Variants in FILIP1 observed in about 807,000 individuals in gnomAD.
FILIP1 encodes filamin-A-interacting protein 1.
In FILIP1, 61 loss-of-function variants were observed where a neutral mutation model predicts 102.1. That is an observed-to-expected ratio of 0.60 (90% CI 0.49 to 0.74). FILIP1 has a LOEUF of 0.74. Ranked by LOEUF, FILIP1 falls within the 30% of genes least tolerant of loss-of-function variation. The probability of loss-of-function intolerance (pLI) is 0.00; values close to 1 mark genes in which losing one functional copy is unlikely to be tolerated. For synonymous variants in FILIP1, 491 were observed against 526.9 expected (o/e 0.93, Z 0.93); for missense variants, 1,314 against 1,441.2 (o/e 0.91, Z 1.43).
At chr6:75,377,347 T>C (rs1264083988) in intron 2 of FILIP1, among the ~76,000 whole-genome samples, 4 of 152,342 alleles carry the variant, frequency 2.6e-5, no homozygotes, top group East Asian at 1.9e-4. Context: ...AAATAGTCAA[T>C]TGCATTTGCT....
intron 1 of FILIP1, among the ~76,000 whole-genome samples, chr6:75,444,783 T>C (rs894765086): frequency 2.6e-5 from 4 of 152,216 alleles, no homozygotes; most frequent in Non-Finnish European, 5.9e-5. Context: ...TTACACATAC[T>C]GCTCCTGTGT....
In FILIP1 at chr6:75,312,973, G is replaced by T. The variant is rs772294193; in HGVS notation, c.2859C>A (p.Thr953=). The part of the protein sequence containing the change: ...PTLGNQKPRI[T]IIPSPNVMPQ... ...GCATAACGTTTGGTGATGGAATAAT[G>T]GTTATTCTTGGTTTCTGATTCCCTA... Residue 953 remains threonine, a synonymous_variant, in exon 5 of 6, where the codon ACC becomes ACA. Coordinates refer to ENST00000237172, the MANE Select transcript of FILIP1 (RefSeq NM_015687.5). The T allele has an allele frequency of 6.2e-7, 1 of 1,614,120 alleles. No individual in the cohort carries two copies. The highest frequency in any genetic ancestry group is 8.5e-7 in the Non-Finnish European group (1 of 1,180,010).
At chr6:75,358,286 A>G (rs761442759) in intron 3 of FILIP1, 5 of 152,212 alleles carry the variant, frequency 3.3e-5, no homozygotes, top group Non-Finnish European at 5.9e-5. Flanking sequence ...TTAAAAGCAA[A>G]TATGAGGTCT....
chr6:75,484,684 A>T (rs1336042), intron 1 of FILIP1, among the ~76,000 whole-genome samples: 146,767 of 152,206 alleles, frequency 0.96, 71,005 homozygotes, highest in East Asian at 1. Context: ...CTAGATAATC[A>T]GATGGTTTCA....
At chr6:75,395,690 T>G (rs574169034) in intron 2 of FILIP1, among the ~76,000 whole-genome samples, 7 of 152,322 alleles carry the variant, frequency 4.6e-5, no homozygotes, top group Non-Finnish European at 1.0e-4. Flanking sequence ...CATACACTTG[T>G]CTTGTTTTAT....
chr6:75,491,493 T>C (rs972797148), intron 1 of FILIP1, among the ~76,000 whole-genome samples: 1 of 152,064 alleles, frequency 6.6e-6, no homozygotes, highest in Non-Finnish European at 1.5e-5. Context: ...CTCGTGGTCA[T>C]GGGCAAGATG....
At chr6:75,431,464 C>A (rs1191711158) in intron 1 of FILIP1, among the ~76,000 whole-genome samples, 2 of 152,150 alleles carry the variant, frequency 1.3e-5, no homozygotes, top group African/African-American at 4.8e-5. Context: ...TACCCTTCTT[C>A]CCCTTGTTTT....
chr6:75,375,850 G>A (rs1386322139), intron 2 of FILIP1, among the ~76,000 whole-genome samples: 2 of 152,152 alleles, frequency 1.3e-5, no homozygotes, highest in African/African-American at 4.8e-5. Context: ...ATTTGACCAA[G>A]TTAGCAAAAC....
At chr6:75,468,403 T>G (rs1779234540) in intron 1 of FILIP1, among the ~76,000 whole-genome samples, 1 of 152,186 alleles carries the variant, frequency 6.6e-6, no homozygotes, top group Admixed American at 6.5e-5. Context: ...ACAAGTCATA[T>G]CCACAGAGAT....
chr6:75,345,785 T>C (rs1022920533), intron 4 of FILIP1, among the ~76,000 whole-genome samples: 1 of 152,160 alleles, frequency 6.6e-6, no homozygotes, highest in African/African-American at 2.4e-5. Context: ...TTCTTCTGCC[T>C]ATTGAACTTT....
chr6:75,385,367 G>T (rs567747578), intron 2 of FILIP1, among the ~76,000 whole-genome samples: 1 of 152,182 alleles, frequency 6.6e-6, no homozygotes, highest in South Asian at 2.1e-4. Context: ...ATGCTATTGG[G>T]CGCACTTGAA....
In FILIP1 at chr6:75,353,613, G is replaced by T; in HGVS notation, c.555C>A (p.Asn185Lys). The change falls in exon 4 of 6, where the codon AAC becomes AAA. Residue 185 changes from asparagine to lysine, a missense_variant. Coordinates refer to ENST00000237172, the MANE Select transcript of FILIP1 (RefSeq NM_015687.5). ...CHRRTVYELE[N>K]EKHKHTDYMN... is the part of the protein sequence containing the mutation. Reference sequence around the variant, plus strand: ...TGTAGTCAGTGTGTTTATGCTTCTCGTTCTCTAACTCGTATACGGTGCGCC... The same window carrying T: ...TGTAGTCAGTGTGTTTATGCTTCTCTTTCTCTAACTCGTATACGGTGCGCC... 7.4e-6 allele frequency: 12 copies of T among 1,614,158 alleles called. No homozygotes were observed. The highest frequency in any genetic ancestry group is 1.0e-5 in the Non-Finnish European group (12 of 1,180,040).
intron 1 of FILIP1, among the ~76,000 whole-genome samples, chr6:75,492,443 T>C (rs2149790800): frequency 6.6e-6 from 1 of 152,288 alleles, no homozygotes; most frequent in East Asian, 1.9e-4. Context: ...ATCATCATAT[T>C]CATTTAGAGG....
chr6:75,372,665 GA>G (rs1198292686), intron 2 of FILIP1, among the ~76,000 whole-genome samples: 86 of 59,556 alleles, frequency 1.4e-3, no homozygotes, highest in Non-Finnish European at 2.2e-3. Flanking sequence ...AAGAAAGAAA[GA>G]AAGAAAGAAA....
At chr6:75,414,170 A>G (rs1364931542) in intron 2 of FILIP1, among the ~76,000 whole-genome samples, 3 of 151,160 alleles carry the variant, frequency 2.0e-5, no homozygotes, top group Admixed American at 6.7e-5. Context: ...GTGCATCTCA[A>G]TTCCTATGAT....
At chr6:75,474,766 C>T (rs867285244) in intron 1 of FILIP1, among the ~76,000 whole-genome samples, 4 of 152,096 alleles carry the variant, frequency 2.6e-5, no homozygotes, top group Non-Finnish European at 5.9e-5. Context: ...AAATTGTAAT[C>T]CCCAGTGTTG....
At chr6:75,371,354 A>C (rs181565983) in intron 2 of FILIP1, among the ~76,000 whole-genome samples, 2 of 152,208 alleles carry the variant, frequency 1.3e-5, no homozygotes. Context: ...TGTTACTAAA[A>C]TATCAGAAAC....
At chr6:75,409,739 T>C (rs1776994406) in intron 2 of FILIP1, among the ~76,000 whole-genome samples, 2 of 152,136 alleles carry the variant, frequency 1.3e-5, no homozygotes, top group Non-Finnish European at 2.9e-5. Context: ...ACCACTATTG[T>C]AGAACTTAAG....
At chr6:75,449,390 G>A (rs1778548095) in intron 1 of FILIP1, among the ~76,000 whole-genome samples, 1 of 152,132 alleles carries the variant, frequency 6.6e-6, no homozygotes, top group Middle Eastern at 3.2e-3. Flanking sequence ...CACTGCTCGG[G>A]TGATGGGTGC....
Sources: gnomAD v4.1 joint callset for allele counts (sites outside exome capture counted in the v4.1 genomes callset) on GRCh38, gnomAD v4.1.1 for gene constraint, MANE v1.5 for transcripts, NCBI Gene and HGNC (gene_info 2026-07-23, HGNC 2026-07-21) for gene names.